GRK3: variants seen among roughly 807,000 people sequenced by gnomAD.
The protein encoded by GRK3 is adrenergic, beta, receptor kinase 2.
GRK3 carries 54 observed loss-of-function variants against 95.7 expected under a neutral mutation model. The ratio of observed to expected loss-of-function variants is 0.56; its 90% CI spans 0.45 to 0.71. The LOEUF (loss-of-function observed/expected upper bound fraction) is 0.71, where lower values mean the gene tolerates loss of function less well. Ranked by LOEUF, GRK3 falls within the 30% of genes least tolerant of loss-of-function variation. The pLI is 0.00. For missense variants in GRK3, 649 were observed against 851.2 expected (o/e 0.76, Z 2.96); for synonymous variants, 281 against 290.8 (o/e 0.97, Z 0.34).
At chr22:25,579,316 T>G (rs192710800) in intron 1 of GRK3, among the ~76,000 whole-genome samples, 1,947 of 151,708 alleles carry the variant, frequency 0.013, 26 homozygotes, top group Middle Eastern at 0.065. Context: ...CTGGCTAATT[T>G]TTTTTTTTTT....
intron 3 of GRK3, among the ~76,000 whole-genome samples, chr22:25,645,086 G>T (rs926550400): frequency 1.3e-5 from 2 of 152,146 alleles, no homozygotes; most frequent in East Asian, 1.9e-4. Context: ...GAGATTTGGT[G>T]GGGGGTGTGG....
At chr22:25,695,504 A>G (rs1170693421) in intron 13 of GRK3, among the ~76,000 whole-genome samples, 1 of 152,204 alleles carries the variant, frequency 6.6e-6, no homozygotes, top group African/African-American at 2.4e-5. Context: ...GATAAGCCAC[A>G]TTGTAGGAAT....
At chr22:25,577,825 G>A (rs1931959369) in intron 1 of GRK3, among the ~76,000 whole-genome samples, 1 of 152,220 alleles carries the variant, frequency 6.6e-6, no homozygotes, top group Non-Finnish European at 1.5e-5. Context: ...GGGTCTATGT[G>A]TGAGCCTTTC....
chr22:25,608,402 C>T (rs900440936), intron 2 of GRK3, among the ~76,000 whole-genome samples: 3 of 152,172 alleles, frequency 2.0e-5, no homozygotes, highest in Non-Finnish European at 2.9e-5. Context: ...ACCCTTGCCT[C>T]GTGGTGTTGC....
chr22:25,586,208 A>C (rs1932294586), intron 1 of GRK3, among the ~76,000 whole-genome samples: 1 of 152,282 alleles, frequency 6.6e-6, no homozygotes, highest in African/African-American at 2.4e-5. Flanking sequence ...GGGATTGAGT[A>C]CTAGAATGAT....
chr22:25,686,312 G>A (rs1292909585), intron 10 of GRK3, among the ~76,000 whole-genome samples: 5 of 152,070 alleles, frequency 3.3e-5, no homozygotes, highest in East Asian at 1.9e-4. Context: ...ACCAAACACA[G>A]CAGCATCTAC....
chr22:25,715,073 G>A (rs1399765397), intron 18 of GRK3: 1 of 152,454 alleles, frequency 6.6e-6, no homozygotes, highest in African/African-American at 2.4e-5. Context: ...GTCAAGAGAG[G>A]TAAATGTCTC....
intron 1 of GRK3, among the ~76,000 whole-genome samples, chr22:25,589,103 G>A (rs73166997): frequency 0.055 from 8,438 of 152,256 alleles, 366 homozygotes; most frequent in East Asian, 0.21. Flanking sequence ...TTACAAACTT[G>A]TTCAACCTTT....
intron 3 of GRK3, chr22:25,648,875 T>C: frequency 1.1e-6 from 1 of 918,230 alleles, no homozygotes; most frequent in Non-Finnish European, 1.8e-6. Context: ...TTGAAGACAA[T>C]GAATACACAT....
rs2085460053 is a variant in GRK3, at chr22:25,724,593, C to G, written c.*2143C>G. 6.6e-6 allele frequency: 1 copy of G among 152,192 alleles called. No individual in the cohort carries two copies. Among genetic ancestry groups the G allele is most frequent in the African/African-American group, 2.4e-5 (1 of 41,436 alleles). The allele number at this position is 152,192 out of a possible 1,614,324, so 9.4% of individuals were successfully genotyped here. ...AGTGTAAACTTTTACACTTCCCCAACTCACATTTGATTTGTAATGATATGG... is the reference window on the plus strand; with the variant it reads ...AGTGTAAACTTTTACACTTCCCCAAGTCACATTTGATTTGTAATGATATGG... On this transcript the variant is annotated 3_prime_UTR_variant, in exon 21 of 21. Transcript: ENST00000324198.
At chr22:25,698,120 A>G (rs1168106158) in intron 13 of GRK3, among the ~76,000 whole-genome samples, 2 of 145,496 alleles carry the variant, frequency 1.4e-5, no homozygotes, top group Middle Eastern at 3.5e-3. Context: ...GAGGGAAGGA[A>G]GAAAGGAGGA....
At chr22:25,583,752 C>T (rs2146321060) in intron 1 of GRK3, among the ~76,000 whole-genome samples, 1 of 152,242 alleles carries the variant, frequency 6.6e-6, no homozygotes, top group South Asian at 2.1e-4. Context: ...TATTTAATAG[C>T]CTATATTAGA....
intron 15 of GRK3, among the ~76,000 whole-genome samples, chr22:25,706,005 T>C (rs7289447): frequency 0.018 from 2,675 of 152,272 alleles, 80 homozygotes; most frequent in African/African-American, 0.06. Flanking sequence ...CCTTTATTTA[T>C]TTGACATTTA....
At chr22:25,688,512 G>C (rs1204803856) in intron 11 of GRK3, among the ~76,000 whole-genome samples, 1 of 152,086 alleles carries the variant, frequency 6.6e-6, no homozygotes, top group African/African-American at 2.4e-5. Flanking sequence ...TCTCTCAAAG[G>C]CCACCCTCAC....
rs1931871145 is a variant in GRK3 at position 25,575,828 on chromosome 22, A to G, written c.113+10675A>G. Among the ~76,000 whole-genome samples, 3 of 152,244 alleles carry G rather than the reference A, an allele frequency of 2.0e-5. No homozygotes were observed. In the South Asian group the frequency reaches 6.2e-4, roughly 32 times the overall value. Reference sequence around the variant, plus strand: ...AGGACAGCTGGTTTTCTCCTTAGATACTAGTGTCTTGACTGTGGGGCAGGG... The same window carrying G: ...AGGACAGCTGGTTTTCTCCTTAGATGCTAGTGTCTTGACTGTGGGGCAGGG... On this transcript the variant is annotated intron_variant, in intron 1 of 20. Transcript: ENST00000324198.
intron 2 of GRK3, among the ~76,000 whole-genome samples, chr22:25,608,573 C>T (rs2084470254): frequency 6.6e-6 from 1 of 152,228 alleles, no homozygotes; most frequent in South Asian, 2.1e-4. Flanking sequence ...AGATTCCACA[C>T]TGTTGCTAGC....
At chr22:25,686,574 A>G (rs1258615679) in intron 10 of GRK3, among the ~76,000 whole-genome samples, 2 of 152,234 alleles carry the variant, frequency 1.3e-5, no homozygotes, top group Non-Finnish European at 2.9e-5. Context: ...ACACACATTC[A>G]TTTTTATAAA....
intron 1 of GRK3, among the ~76,000 whole-genome samples, chr22:25,599,894 G>T (rs1234548471): frequency 6.6e-6 from 1 of 152,162 alleles, no homozygotes; most frequent in East Asian, 1.9e-4. Context: ...CAGGAATTCT[G>T]TGTTGCTGAT....
chr22:25,622,050 C>A (rs2084590088), intron 2 of GRK3, among the ~76,000 whole-genome samples: 1 of 151,968 alleles, frequency 6.6e-6, no homozygotes, highest in Admixed American at 6.6e-5. Context: ...TTTCTTTAAA[C>A]CCCTCCTCTC....
Sources: gnomAD v4.1 joint callset for allele counts (sites outside exome capture counted in the v4.1 genomes callset) on GRCh38, gnomAD v4.1.1 for gene constraint, MANE v1.5 for transcripts, NCBI Gene and HGNC (gene_info 2026-07-23, HGNC 2026-07-21) for gene names.